The following RORA variants were observed in gnomAD, a reference collection of about 807,000 sequenced individuals.
The protein encoded by RORA is nuclear receptor ROR-alpha.
Under a neutral mutation model 69.5 loss-of-function variants are expected in RORA, and 7 were observed. The observed-to-expected ratio is 0.10, with a 90% CI of 0.06 to 0.19. The LOEUF is 0.19. Among genes scored for constraint, RORA ranks in the 10% least tolerant of loss-of-function variants. The pLI, the probability that RORA is intolerant of heterozygous loss-of-function variation, is 1.00. For synonymous variants in RORA, 261 were observed against 240.8 expected (o/e 1.08, Z -0.78); for missense variants, 457 against 663.0 (o/e 0.69, Z 3.41).
intron 2 of RORA, among the ~76,000 whole-genome samples, chr15:60,634,227 G>A (rs1249633856): frequency 6.6e-6 from 1 of 152,060 alleles, no homozygotes; most frequent in Non-Finnish European, 1.5e-5. Context: ...TACACAGCAT[G>A]CACATTCTCA....
chr15:60,603,767 G>A (rs1240786575), intron 2 of RORA, among the ~76,000 whole-genome samples: 2 of 152,112 alleles, frequency 1.3e-5, no homozygotes, highest in East Asian at 1.9e-4. Context: ...ATCTTCTCGC[G>A]CTTGAACACT....
chr15:60,865,819 T>C (rs2073480945), intron 1 of RORA, among the ~76,000 whole-genome samples: 1 of 152,192 alleles, frequency 6.6e-6, no homozygotes, highest in African/African-American at 2.4e-5. Flanking sequence ...ATTTTGGGAC[T>C]CAGGCCTGTC....
intron 2 of RORA, among the ~76,000 whole-genome samples, chr15:60,594,293 C>A (rs994946203): frequency 2.0e-5 from 3 of 152,220 alleles, no homozygotes; most frequent in Non-Finnish European, 4.4e-5. Flanking sequence ...AATGAGGCAA[C>A]GCCCCTCAGT....
intron 1 of RORA, among the ~76,000 whole-genome samples, chr15:61,218,933 C>T (rs11635008): frequency 0.12 from 17,675 of 152,190 alleles, 1,299 homozygotes; most frequent in East Asian, 0.17. Context: ...AAGCTTGCTG[C>T]GGAGACACAC....
At chr15:60,631,594 TG>T (rs1266238132) in intron 2 of RORA, among the ~76,000 whole-genome samples, 2 of 151,966 alleles carry the variant, frequency 1.3e-5, no homozygotes, top group African/African-American at 4.8e-5. Flanking sequence ...TGCAGTAAGG[TG>T]GGGGAACTCT....
chr15:60,700,183 T>C (rs1390123870), intron 1 of RORA, among the ~76,000 whole-genome samples: 2 of 152,192 alleles, frequency 1.3e-5, no homozygotes, highest in African/African-American at 4.8e-5. Flanking sequence ...AAATGAGATT[T>C]GAATAACAAT....
intron 1 of RORA, among the ~76,000 whole-genome samples, chr15:61,165,681 C>G (rs1596039911): frequency 6.6e-6 from 1 of 152,096 alleles, no homozygotes; most frequent in Non-Finnish European, 1.5e-5. Context: ...AGGAACATGA[C>G]TAGGGAAAGG....
At chr15:60,513,557 T>C (rs1050632124) in intron 4 of RORA, among the ~76,000 whole-genome samples, 1 of 152,250 alleles carries the variant, frequency 6.6e-6, no homozygotes, top group African/African-American at 2.4e-5. Flanking sequence ...TGATGAGATA[T>C]ACCTAACTTT....
intron 2 of RORA, among the ~76,000 whole-genome samples, chr15:60,571,368 G>A (rs1272379821): frequency 6.6e-6 from 1 of 152,084 alleles, no homozygotes; most frequent in Non-Finnish European, 1.5e-5. Context: ...AAGCTCCAGT[G>A]CATATGAGTC....
At chr15:61,021,998 T>C (rs868266336) in intron 1 of RORA, among the ~76,000 whole-genome samples, 6 of 152,312 alleles carry the variant, frequency 3.9e-5, no homozygotes, top group Middle Eastern at 3.4e-3. Context: ...CAAATAGCTA[T>C]GTGCTGACCC....
At position 60,534,096 on chromosome 15, in the gene RORA, A is replaced by G. The variant is rs936762938; in HGVS notation, c.197-2245T>C. On this transcript the variant is annotated intron_variant, in intron 2 of 10. Transcript: ENST00000335670. The surrounding 1 kb of genome is among the most constrained non-coding windows in gnomAD (Gnocchi z 5.0). ...TCTGGACAAACTGAAAATGATATGCAGTATTCCTGTACAGTCGGCCTGGAC... is the reference window on the plus strand; with the variant it reads ...TCTGGACAAACTGAAAATGATATGCGGTATTCCTGTACAGTCGGCCTGGAC... 6.6e-6 allele frequency among the ~76,000 whole-genome samples: 1 copy of G among 152,242 alleles called. No homozygotes were observed. The highest frequency in any genetic ancestry group is 1.5e-5 in the Non-Finnish European group (1 of 68,046).
At chr15:60,924,761 G>C (rs1049193579) in intron 1 of RORA, among the ~76,000 whole-genome samples, 1 of 152,128 alleles carries the variant, frequency 6.6e-6, no homozygotes, top group Admixed American at 6.5e-5. Flanking sequence ...TTATTGATAG[G>C]ACACATTACC....
chr15:60,895,428 C>T (rs1891204397), intron 1 of RORA, among the ~76,000 whole-genome samples: 1 of 152,214 alleles, frequency 6.6e-6, no homozygotes, highest in Admixed American at 6.5e-5. Flanking sequence ...CCTATAAAGG[C>T]TCTGTCAAAA....
chr15:60,728,395 C>T (rs1265791452), intron 1 of RORA, among the ~76,000 whole-genome samples: 3 of 152,076 alleles, frequency 2.0e-5, no homozygotes, highest in Admixed American at 6.5e-5. Flanking sequence ...TTATATTGAC[C>T]CTGCTTGTGT....
intron 1 of RORA, among the ~76,000 whole-genome samples, chr15:60,979,446 G>T (rs1475567189): frequency 6.6e-6 from 1 of 151,898 alleles, no homozygotes; most frequent in South Asian, 2.1e-4. Flanking sequence ...AATCAGGGGA[G>T]TATTCTATTT....
intron 1 of RORA, among the ~76,000 whole-genome samples, chr15:60,893,215 G>A (rs1404752079): frequency 6.6e-6 from 1 of 152,172 alleles, no homozygotes; most frequent in East Asian, 1.9e-4. Flanking sequence ...AAGCAAATGC[G>A]AGCTGATGAT....
intron 1 of RORA, among the ~76,000 whole-genome samples, chr15:61,081,679 G>T (rs2078542605): frequency 6.6e-6 from 1 of 151,868 alleles, no homozygotes; most frequent in South Asian, 2.1e-4. Context: ...GTGGTGGCGG[G>T]CGCCTGTAGT....
chr15:61,108,888 C>A (rs1427852025), intron 1 of RORA, among the ~76,000 whole-genome samples: 2 of 152,156 alleles, frequency 1.3e-5, no homozygotes, highest in African/African-American at 4.8e-5. Flanking sequence ...GTAAAAAGCA[C>A]TAACCAGCAG....
chr15:60,505,640 A>T lies in RORA; in HGVS notation c.821-11T>A, dbSNP rs1269647660. The T allele has an allele frequency of 6.2e-7, 1 of 1,611,790 alleles. No individual in the cohort carries two copies. Among genetic ancestry groups the T allele is most frequent in the African/African-American group, 1.3e-5 (1 of 74,992 alleles). On this transcript the variant is annotated splice_polypyrimidine_tract_variant and intron_variant, in intron 5 of 10. Coordinates refer to ENST00000335670, the MANE Select transcript of RORA (RefSeq NM_134261.3). ...TCTGTGCAAGGTGTTCTAAGGAGAA[A>T]ACGGGAGATCACAAACACGAAAAGC...
Sources: gnomAD v4.1 joint callset for allele counts (sites outside exome capture counted in the v4.1 genomes callset) on GRCh38, gnomAD v4.1.1 for gene constraint, Gnocchi (gnomAD v3.1) non-coding constraint, MANE v1.5 for transcripts, NCBI Gene and HGNC (gene_info 2026-07-23, HGNC 2026-07-21) for gene names.